The following PIBF1 variants were observed in gnomAD, a reference collection of about 807,000 sequenced individuals.
PIBF1 encodes the protein progesterone immunomodulatory binding factor 1, also known as progesterone-induced-blocking factor 1.
In PIBF1, 90 loss-of-function variants were observed where a neutral mutation model predicts 112.5. The ratio of observed to expected loss-of-function variants is 0.80; its 90% CI spans 0.67 to 0.95. The LOEUF (loss-of-function observed/expected upper bound fraction) is 0.95. Among genes scored for constraint, PIBF1 ranks in the 40% least tolerant of loss-of-function variants. PIBF1 has a pLI of 0.00. For synonymous variants in PIBF1, 301 were observed against 288.6 expected (o/e 1.04, Z -0.44); for missense variants, 915 against 852.3 (o/e 1.07, Z -0.92).
Position 72,965,290 on chromosome 13 carries a change from C to A in PIBF1, c.1850C>A (p.Ser617Ter). ...QLSQELDRAN[S>*]LLNQTQQPYR... ...TTTCTTTAGCTTGACAGAGCCAATTCGCTATTAAACCAGACTCAACAGCCT... is the reference window on the plus strand; with the variant it reads ...TTTCTTTAGCTTGACAGAGCCAATTAGCTATTAAACCAGACTCAACAGCCT... The change falls in exon 15 of 18, where the codon TCG becomes TAG. Residue 617 changes from serine to a stop codon, truncating the protein, a stop_gained. Transcript: ENST00000326291. LOFTEE classifies it high-confidence loss of function. 1 of 1,609,272 alleles carries A rather than the reference C, an allele frequency of 6.2e-7. No individual in the cohort carries two copies. The highest frequency in any genetic ancestry group is 8.5e-7 in the Non-Finnish European group (1 of 1,178,174).
intron 5 of PIBF1, among the ~76,000 whole-genome samples, chr13:72,800,195 C>G (rs917564823): frequency 6.6e-6 from 1 of 152,176 alleles, no homozygotes; most frequent in African/African-American, 2.4e-5. Flanking sequence ...GCTACCACAC[C>G]TGGCTAATTT....
intron 10 of PIBF1, among the ~76,000 whole-genome samples, chr13:72,888,584 GA>G (rs1427252396): frequency 5.9e-5 from 9 of 152,006 alleles, no homozygotes; most frequent in Non-Finnish European, 1.5e-5. Flanking sequence ...GAAGCATTTT[GA>G]AACAATCTAA....
chr13:72,791,294 T>A (rs1359420695), intron 2 of PIBF1, among the ~76,000 whole-genome samples: 1 of 152,116 alleles, frequency 6.6e-6, no homozygotes, highest in Non-Finnish European at 1.5e-5. Context: ...GACCTTGTGA[T>A]ACACCCGCCT....
chr13:72,870,446 G>C (rs911970618), intron 10 of PIBF1, among the ~76,000 whole-genome samples: 12 of 152,268 alleles, frequency 7.9e-5, no homozygotes, highest in Middle Eastern at 3.4e-3. Flanking sequence ...ATTTCTCTTT[G>C]TTGGAGTATG....
At chr13:72,971,230 T>C (rs955290357) in intron 15 of PIBF1, among the ~76,000 whole-genome samples, 2 of 147,896 alleles carry the variant, frequency 1.4e-5, no homozygotes, top group Non-Finnish European at 3.0e-5. Context: ...GTGTATGCAC[T>C]GAATGTGAGT....
At chr13:72,938,661 G>A (rs948053322) in intron 14 of PIBF1, among the ~76,000 whole-genome samples, 4 of 152,036 alleles carry the variant, frequency 2.6e-5, no homozygotes, top group African/African-American at 9.6e-5. Flanking sequence ...CAAATTTTTT[G>A]TTTGAACACC....
intron 9 of PIBF1, among the ~76,000 whole-genome samples, chr13:72,844,863 C>T (rs1398987971): frequency 6.6e-6 from 1 of 151,364 alleles, no homozygotes; most frequent in East Asian, 1.9e-4. Flanking sequence ...GTGATCCTCC[C>T]CGCCGACCTC....
intron 14 of PIBF1, among the ~76,000 whole-genome samples, chr13:72,942,030 A>G (rs1237435732): frequency 2.0e-5 from 3 of 152,186 alleles, no homozygotes; most frequent in Non-Finnish European, 4.4e-5. Context: ...TAAAACATTT[A>G]TCTCTGCCCC....
chr13:72,944,097 T>G (rs957035245), intron 14 of PIBF1, among the ~76,000 whole-genome samples: 3 of 152,054 alleles, frequency 2.0e-5, no homozygotes, highest in African/African-American at 7.3e-5. Flanking sequence ...CTGGCAATTT[T>G]TAAAGGAAAT....
chr13:72,996,290 A>G (rs1319553984), intron 16 of PIBF1, among the ~76,000 whole-genome samples: 1 of 151,544 alleles, frequency 6.6e-6, no homozygotes, highest in East Asian at 1.9e-4. Flanking sequence ...AAAACTGCTC[A>G]ACTTCACTGT....
chr13:72,799,669 A>G (rs750971130), intron 5 of PIBF1, among the ~76,000 whole-genome samples: 12 of 152,130 alleles, frequency 7.9e-5, no homozygotes, highest in East Asian at 1.9e-4. Context: ...TTTATACTCT[A>G]TTGTTTCTGT....
At position 72,942,615 on chromosome 13, in the gene PIBF1, A is replaced by T. The variant is rs114850305; in HGVS notation, c.1833+11348A>T. On this transcript the variant is annotated intron_variant, in intron 14 of 17. Transcript: ENST00000326291. ...GGGCTTTATCAACAGCAATTATAAG[A>T]TGTATGCTATTTTCATAGAAGAGAT... Among the ~76,000 whole-genome samples the T allele has an allele frequency of 6.9e-3, 1,049 of 152,272 alleles. 13 individuals are homozygous for T. The highest frequency in any genetic ancestry group is 0.024 in the African/African-American group (1,012 of 41,544).
intron 9 of PIBF1, among the ~76,000 whole-genome samples, chr13:72,842,678 A>G (rs1331933130): frequency 6.6e-6 from 1 of 152,214 alleles, no homozygotes; most frequent in Non-Finnish European, 1.5e-5. Context: ...GTATGTCCTC[A>G]TTAGTGCTTA....
intron 10 of PIBF1, among the ~76,000 whole-genome samples, chr13:72,871,254 T>C (rs1373718518): frequency 6.6e-6 from 1 of 152,130 alleles, no homozygotes. Flanking sequence ...CAAAATATAG[T>C]TTGGGCCATG....
intron 10 of PIBF1, among the ~76,000 whole-genome samples, chr13:72,891,558 A>G (rs1319044666): frequency 2.6e-5 from 4 of 152,060 alleles, no homozygotes; most frequent in African/African-American, 7.2e-5. Flanking sequence ...GCAGACAATG[A>G]TAAGTGTTGT....
At chr13:72,986,731 C>A (rs1363878013) in intron 16 of PIBF1, among the ~76,000 whole-genome samples, 1 of 142,634 alleles carries the variant, frequency 7.0e-6, no homozygotes, top group Non-Finnish European at 1.5e-5. Flanking sequence ...TCGCCCAGGC[C>A]GGACTGCGGA....
chr13:72,939,803 A>T (rs2041965315), intron 14 of PIBF1, among the ~76,000 whole-genome samples: 1 of 152,114 alleles, frequency 6.6e-6, no homozygotes, highest in Non-Finnish European at 1.5e-5. Context: ...TTCCCTGGGT[A>T]AGGAATTTGA....
intron 2 of PIBF1, among the ~76,000 whole-genome samples, chr13:72,791,581 A>G (rs2034931973): frequency 6.6e-6 from 1 of 152,218 alleles, no homozygotes; most frequent in East Asian, 1.9e-4. Context: ...CACAGTGTTT[A>G]GAATTTATTC....
chr13:72,837,073 A>G (rs2037395138), intron 9 of PIBF1, among the ~76,000 whole-genome samples: 1 of 152,104 alleles, frequency 6.6e-6, no homozygotes, highest in Non-Finnish European at 1.5e-5. Context: ...TGAAAATGGC[A>G]AAGAATTTCA....
Sources: gnomAD v4.1 joint callset for allele counts (sites outside exome capture counted in the v4.1 genomes callset) on GRCh38, gnomAD v4.1.1 for gene constraint, MANE v1.5 for transcripts, NCBI Gene and HGNC (gene_info 2026-07-23, HGNC 2026-07-21) for gene names.